Variants in GLIPR1L2 observed in about 807,000 individuals in gnomAD.
GLIPR1L2 encodes GLIPR1 like 2.
A neutral mutation model predicts 28.4 loss-of-function variants in GLIPR1L2; 21 were observed. That is an observed-to-expected ratio of 0.74 (90% confidence interval 0.52 to 1.06). The LOEUF (loss-of-function observed/expected upper bound fraction) is 1.06. GLIPR1L2 is among the 50% of genes least tolerant of loss of function. The pLI is 0.00. For missense variants in GLIPR1L2, 476 were observed against 416.9 expected, an observed-to-expected ratio of 1.14 and a Z score of -1.23; for synonymous variants, 145 against 139.3, an observed-to-expected ratio of 1.04 and a Z score of -0.29.
chr12:75,406,521 C>T (rs1374898999), intron 1 of GLIPR1L2, among the ~76,000 whole-genome samples: 1 of 151,988 alleles, frequency 6.6e-6, no homozygotes, highest in Admixed American at 6.6e-5. Flanking sequence ...CTTTGGGAGG[C>T]TGAGGTGGGA....
At chr12:75,413,146 A>G (rs11180494) in intron 2 of GLIPR1L2, among the ~76,000 whole-genome samples, 77,182 of 148,410 alleles carry the variant, frequency 0.52, 20,253 homozygotes, top group East Asian at 0.58. Context: ...ATTGAACAAT[A>G]AGAACACATG....
At chr12:75,401,153 A>T (rs1044846292) in intron 1 of GLIPR1L2, among the ~76,000 whole-genome samples, 2 of 151,852 alleles carry the variant, frequency 1.3e-5, no homozygotes, top group African/African-American at 4.8e-5. Flanking sequence ...AATGACTTTT[A>T]AAAAACTGTA....
chr12:75,410,717 C>G, intron 2 of GLIPR1L2, 38 bp downstream of exon 2: 1 of 1,427,346 alleles, frequency 7.0e-7, no homozygotes, highest in Non-Finnish European at 9.6e-7. Flanking sequence ...TCAAACACTT[C>G]TTAATTGATT....
intron 3 of GLIPR1L2, among the ~76,000 whole-genome samples, chr12:75,414,469 A>C (rs969593313): frequency 1.3e-5 from 2 of 152,132 alleles, no homozygotes; most frequent in Non-Finnish European, 2.9e-5. Flanking sequence ...GGACTAAACC[A>C]GACAGAAAAA....
At position 75,413,696 on chromosome 12, in the gene GLIPR1L2, G is replaced by A. The variant is rs753871327; in HGVS notation, c.579G>A (p.Ala193=). The A allele has an allele frequency of 9.8e-5, 140 of 1,421,490 alleles. No homozygotes were observed. Among genetic ancestry groups the A allele is most frequent in the Admixed American group, 1.8e-4 (8 of 43,772 alleles). 88.1% of individuals were successfully genotyped at this position (1,421,490 alleles called of 1,614,324 possible). ...CAGCAATTTTCATATGCAACTATGCGCCAGGGTAAGTTACTTAAAATTAAT... is the reference window on the plus strand; with the variant it reads ...CAGCAATTTTCATATGCAACTATGCACCAGGGTAAGTTACTTAAAATTAAT... ...IHAAIFICNY[A]PGGTLTRRPY... Residue 193 remains alanine, a synonymous_variant, in exon 3 of 6, where the codon GCG becomes GCA. Transcript: ENST00000550916.
Position 75,410,687 on chromosome 12 carries a change from A to AT in GLIPR1L2, c.480+13dup. The AT allele has an allele frequency of 6.4e-7, 1 of 1,567,370 alleles. No homozygotes were observed. Among genetic ancestry groups the AT allele is most frequent in the Non-Finnish European group, 8.7e-7 (1 of 1,154,156 alleles). On this transcript the variant is annotated intron_variant, in intron 2 of 5. Transcript: ENST00000550916. The stretch of plus-strand genomic sequence containing the variant: ...TGTTCTAATTATATTCAGGTATGTA[A>AT]TTTTTATTTTGTTATTAATTCAAAC...
Position 75,430,899 on chromosome 12 carries a change from T to C in GLIPR1L2, c.773T>C (p.Leu258Ser), listed in dbSNP as rs934632891. ...GATCCACTGTGCACATTCATTTTAT[T>C]ATTGAGAATATTATGTTTTATCCTG... is the stretch of plus-strand genomic sequence containing the variant. ...VCDPLCTFIL[L>S]LRILCFILCV... The change falls in exon 6 of 6, where the codon TTA becomes TCA. Residue 258 changes from leucine (L) to serine (S), a missense_variant. Leu to Ser is a moderately radical substitution (Grantham distance 145, BLOSUM62 -2). Coordinates refer to ENST00000550916, the MANE Select transcript of GLIPR1L2 (RefSeq NM_001270396.2). 1.7e-5 allele frequency: 26 copies of C among 1,535,888 alleles called. No homozygotes were observed. The highest frequency in any genetic ancestry group is 2.3e-5 in the Non-Finnish European group (26 of 1,146,772).
At chr12:75,405,729 T>C (rs185553838) in intron 1 of GLIPR1L2, among the ~76,000 whole-genome samples, 42 of 152,246 alleles carry the variant, frequency 2.8e-4, no homozygotes, top group African/African-American at 1.0e-3. Context: ...TATGAGTTGA[T>C]CATGTCCCTC....
intron 1 of GLIPR1L2, among the ~76,000 whole-genome samples, chr12:75,407,412 CAG>C (rs553171979): frequency 6.6e-6 from 1 of 151,794 alleles, no homozygotes; most frequent in African/African-American, 2.4e-5. Context: ...AATTAAAAGA[CAG>C]AGAGAATAAA....
intron 4 of GLIPR1L2, among the ~76,000 whole-genome samples, chr12:75,428,653 G>C (rs954265176): frequency 2.0e-5 from 3 of 152,188 alleles, no homozygotes; most frequent in Admixed American, 2.0e-4. Context: ...CTTCATGGCA[G>C]CCCCTCCCAT....
chr12:75,398,720 T>C (rs183996605), intron 1 of GLIPR1L2, among the ~76,000 whole-genome samples: 32 of 152,310 alleles, frequency 2.1e-4, no homozygotes, highest in African/African-American at 6.7e-4. Context: ...AAATAAATCT[T>C]CCTCCTTTTT....
In GLIPR1L2 at chr12:75,402,832, A is replaced by G. The variant is rs571385726; in HGVS notation, c.235-7602A>G. Among the ~76,000 whole-genome samples the G allele has an allele frequency of 2.9e-4, 44 of 152,268 alleles. 1 individual carries two copies. Among genetic ancestry groups the G allele is most frequent in the Admixed American group, 1.1e-3 (17 of 15,284 alleles). On this transcript the variant is annotated intron_variant, in intron 1 of 5. Transcript: ENST00000550916. ...CCTACCCTTGATGTCTCCTTTTAGTAATTCTCCATGCACTGACTTCCTCAC... is the reference window on the plus strand; with the variant it reads ...CCTACCCTTGATGTCTCCTTTTAGTGATTCTCCATGCACTGACTTCCTCAC...
Position 75,391,613 on chromosome 12 carries a change from A to T in GLIPR1L2, c.234+263A>T, listed in dbSNP as rs1252084270. On this transcript the variant is annotated intron_variant, in intron 1 of 5. Transcript: ENST00000550916. ...GAAGTGCAGATTTTAAGGGGGCGCC[A>T]ATTCAAGAAAATGATATTTTAATGC... The T allele has an allele frequency of 2.8e-6, 3 of 1,067,438 alleles. No homozygotes were observed. In the East Asian group the frequency reaches 9.3e-5, roughly 33 times the overall value. 66.1% of individuals were successfully genotyped at this position (1,067,438 alleles called of 1,614,324 possible).
In GLIPR1L2 at chr12:75,432,088, T is replaced by G. The variant is rs1425420771; in HGVS notation, c.*927T>G. 6.6e-6 allele frequency: 1 copy of G among 152,122 alleles called. No individual in the cohort carries two copies. Among genetic ancestry groups the G allele is most frequent in the Non-Finnish European group, 1.5e-5 (1 of 67,972 alleles). The allele number at this position is 152,122 out of a possible 1,614,324, so 9.4% of individuals were successfully genotyped here. ...TGGATCAACTTTGTAAAGGAATCAA[T>G]AGTAGTTGTGAAGTACACTAAGCAA... On this transcript the variant is annotated 3_prime_UTR_variant, in exon 6 of 6. Coordinates refer to ENST00000550916, the MANE Select transcript of GLIPR1L2 (RefSeq NM_001270396.2).
At chr12:75,422,770 TA>T (rs1304893163) in intron 3 of GLIPR1L2, 133 bp from the exon 4 acceptor site, 4 of 641,580 alleles carry the variant, frequency 6.2e-6, no homozygotes, top group Non-Finnish European at 1.0e-5. Flanking sequence ...AATCTCTAAT[TA>T]AAGTATTTCC....
At position 75,391,120 on chromosome 12, in the gene GLIPR1L2, G is replaced by A; in HGVS notation, c.4G>A (p.Glu2Lys). The change falls in exon 1 of 6, where the codon GAG becomes AAG. Residue 2 changes from glutamate (E) to lysine (K), a missense_variant. By Grantham distance (56) the Glu-to-Lys change is moderately conservative. Coordinates refer to ENST00000550916, the MANE Select transcript of GLIPR1L2 (RefSeq NM_001270396.2). ...GCCTGTCAGCGGCCGGTGGACCATG[G>A]AGGCCGCAAGGCCCTTCGCCCGGGA... is the stretch of plus-strand genomic sequence containing the variant. M[E>K]AARPFAREWR... 6.2e-7 allele frequency: 1 copy of A among 1,611,824 alleles called. No homozygotes were observed. The highest frequency in any genetic ancestry group is 8.5e-7 in the Non-Finnish European group (1 of 1,178,646).
intron 4 of GLIPR1L2, among the ~76,000 whole-genome samples, chr12:75,427,256 T>A (rs1209919067): frequency 6.6e-6 from 1 of 152,140 alleles, no homozygotes; most frequent in Non-Finnish European, 1.5e-5. Flanking sequence ...AAATTAATGA[T>A]GAGAAGTGAA....
rs2046092247 is a variant in GLIPR1L2, at chr12:75,431,434, C to T, written c.*273C>T. 3.2e-6 allele frequency: 1 copy of T among 311,198 alleles called. No individual in the cohort carries two copies. The highest frequency in any genetic ancestry group is 2.1e-5 in the African/African-American group (1 of 46,568). 19.3% of individuals were successfully genotyped at this position (311,198 alleles called of 1,614,324 possible). A position where few individuals can be genotyped will look rare whatever the true frequency, so the allele number is the denominator to read the frequency against. ...GGAAAAACACTGAAAAACATTTGACCAGTCTAATTAATCTTAAGATTTCAC... is the reference window on the plus strand; with the variant it reads ...GGAAAAACACTGAAAAACATTTGACTAGTCTAATTAATCTTAAGATTTCAC... On this transcript the variant is annotated 3_prime_UTR_variant, in exon 6 of 6. Transcript: ENST00000550916.
intron 3 of GLIPR1L2, among the ~76,000 whole-genome samples, chr12:75,418,563 G>A (rs990913238): frequency 2.6e-5 from 4 of 152,152 alleles, no homozygotes; most frequent in African/African-American, 7.2e-5. Flanking sequence ...CGTTATTCCT[G>A]AGGCCTCTGT....
Sources: gnomAD v4.1 joint callset for allele counts (sites outside exome capture counted in the v4.1 genomes callset) on GRCh38, gnomAD v4.1.1 for gene constraint, MANE v1.5 for transcripts, NCBI Gene and HGNC (gene_info 2026-07-23, HGNC 2026-07-21) for gene names.